The following PHACTR2 variants were observed in gnomAD, a reference collection of about 807,000 sequenced individuals.
The protein encoded by PHACTR2 is phosphatase and actin regulator 2.
In PHACTR2, 30 loss-of-function variants were observed where a neutral mutation model predicts 76.0. That is an observed-to-expected ratio of 0.39 (90% CI 0.30 to 0.54). The LOEUF is 0.54. Ranked by LOEUF, PHACTR2 falls within the 20% of genes least tolerant of loss-of-function variation. The pLI is 0.61. For synonymous variants in PHACTR2, 292 were observed against 292.5 expected (o/e 1.00, Z 0.02); for missense variants, 696 against 781.1 (o/e 0.89, Z 1.30).
intron 2 of PHACTR2, among the ~76,000 whole-genome samples, chr6:143,725,745 G>A (rs960686319): frequency 1.3e-4 from 19 of 151,390 alleles, no homozygotes; most frequent in African/African-American, 4.6e-4. Flanking sequence ...ACAATCACTT[G>A]AACCCGGGAG....
rs911664992 is a variant in PHACTR2, at chr6:143,708,442, A to G, written c.47-3574A>G. Among the ~76,000 whole-genome samples, 1 of 152,260 alleles carries G rather than the reference A, an allele frequency of 6.6e-6. No homozygotes were observed. Among genetic ancestry groups the G allele is most frequent in the African/African-American group, 2.4e-5 (1 of 41,472 alleles). On this transcript the variant is annotated intron_variant, in intron 1 of 12. Coordinates refer to ENST00000440869, the MANE Select transcript of PHACTR2 (RefSeq NM_001100164.2). This position sits in a 1 kb window ranked among gnomAD's most constrained non-coding sequence, Gnocchi z 5.5. ...ACAAGTTACTCTTAGTAACATAAAA[A>G]TGGATCAAAATTAATGCTGAAAACA...
chr6:143,776,953 G>C lies in PHACTR2; in HGVS notation c.1590-375G>C, dbSNP rs537499498. Reference sequence around the variant, plus strand: ...GTGGAAAAAGGAAAGAGAAAGAAGGGAGCATGCACCCAGGCATTTTAAGGA... The same window carrying C: ...GTGGAAAAAGGAAAGAGAAAGAAGGCAGCATGCACCCAGGCATTTTAAGGA... On this transcript the variant is annotated intron_variant, in intron 8 of 12. Coordinates refer to ENST00000440869, the MANE Select transcript of PHACTR2 (RefSeq NM_001100164.2). This position sits in a 1 kb window ranked among gnomAD's most constrained non-coding sequence, Gnocchi z 5.3. Among the ~76,000 whole-genome samples, 59 of 152,294 alleles carry C rather than the reference G, an allele frequency of 3.9e-4. No individual in the cohort carries two copies. Among genetic ancestry groups the C allele is most frequent in the Non-Finnish European group, 8.2e-4 (56 of 68,024 alleles).
At chr6:143,631,696 T>C (rs1239676385) in intron 1 of PHACTR2, among the ~76,000 whole-genome samples, 1 of 152,206 alleles carries the variant, frequency 6.6e-6, no homozygotes, top group Non-Finnish European at 1.5e-5. Flanking sequence ...CGAGGTCTCA[T>C]TGACAAAGTT....
Position 143,668,386 on chromosome 6 carries a change from C to T in PHACTR2, c.14-43630C>T, listed in dbSNP as rs369170927. Reference sequence around the variant, plus strand: ...TTTGGTATCAGGATGATGTTGGCCTCATAAAATGAGTTAGGGAGGAGTCCC... The same window carrying T: ...TTTGGTATCAGGATGATGTTGGCCTTATAAAATGAGTTAGGGAGGAGTCCC... On this transcript the variant is annotated intron_variant, in intron 1 of 11. Transcript: ENST00000305766. Among the ~76,000 whole-genome samples, 151 of 152,240 alleles carry T rather than the reference C, an allele frequency of 9.9e-4. 9 individuals are homozygous for T. In the South Asian group the frequency reaches 0.03, roughly 31 times the overall value.
Position 143,706,063 on chromosome 6 carries a change from A to T in PHACTR2, c.47-5953A>T, listed in dbSNP as rs180861841. Among the ~76,000 whole-genome samples, 233 of 152,266 alleles carry T rather than the reference A, an allele frequency of 1.5e-3. 1 individual carries two copies. The highest frequency in any genetic ancestry group is 5.1e-3 in the African/African-American group (210 of 41,560). On this transcript the variant is annotated intron_variant, in intron 1 of 12. Transcript: ENST00000440869. ...CTTTGGGTTATAATCTAATACTATA[A>T]TTTTACTTTGTTGCTGAGATTATTC...
chr6:143,805,371 C>T (rs1215898365), intron 11 of PHACTR2, among the ~76,000 whole-genome samples: 1 of 149,468 alleles, frequency 6.7e-6, no homozygotes, highest in Non-Finnish European at 1.5e-5. Context: ...CCCAGCTGCT[C>T]GGGAGGCTGA....
At chr6:143,628,055 G>T (rs1776290688) in intron 1 of PHACTR2, among the ~76,000 whole-genome samples, 1 of 152,158 alleles carries the variant, frequency 6.6e-6, no homozygotes, top group African/African-American at 2.4e-5. Context: ...GTTACCTTTT[G>T]TGTCTGGCTT....
chr6:143,803,365 T>A lies in PHACTR2; in HGVS notation c.1846-3692T>A, dbSNP rs547232883. Among the ~76,000 whole-genome samples, 1 of 152,096 alleles carries A rather than the reference T, an allele frequency of 6.6e-6. No homozygotes were observed. Among genetic ancestry groups the A allele is most frequent in the African/African-American group, 2.4e-5 (1 of 41,414 alleles). ...GAGTTTGAGACCAGCCTGGCCAACATTGCGAAATCCATCTCCACAAAAGAT... is the reference window on the plus strand; with the variant it reads ...GAGTTTGAGACCAGCCTGGCCAACAATGCGAAATCCATCTCCACAAAAGAT... On this transcript the variant is annotated intron_variant, in intron 11 of 12. Coordinates refer to ENST00000440869, the MANE Select transcript of PHACTR2 (RefSeq NM_001100164.2). This position sits in a 1 kb window ranked among gnomAD's most constrained non-coding sequence, Gnocchi z 4.7.
chr6:143,723,142 G>A (rs1229108206), intron 2 of PHACTR2, among the ~76,000 whole-genome samples: 2 of 152,088 alleles, frequency 1.3e-5, no homozygotes, highest in Non-Finnish European at 2.9e-5. Flanking sequence ...GACTGTTATG[G>A]TCCAGAAAGT....
At position 143,731,656 on chromosome 6, in the gene PHACTR2, A is replaced by T. The variant is rs1778703626; in HGVS notation, c.215-17329A>T. Among the ~76,000 whole-genome samples, 1 of 152,112 alleles carries T rather than the reference A, an allele frequency of 6.6e-6. No homozygotes were observed. The highest frequency in any genetic ancestry group is 6.6e-5 in the Admixed American group (1 of 15,264). Reference sequence around the variant, plus strand: ...GATTTTATTGAATAATATTTTGTTGAGGATTCATGGTATTGATCTGTAGTG... The same window carrying T: ...GATTTTATTGAATAATATTTTGTTGTGGATTCATGGTATTGATCTGTAGTG... On this transcript the variant is annotated intron_variant, in intron 2 of 12. Coordinates refer to ENST00000440869, the MANE Select transcript of PHACTR2 (RefSeq NM_001100164.2). The surrounding 1 kb of genome is among the most constrained non-coding windows in gnomAD (Gnocchi z 4.9).
chr6:143,716,192 A>T (rs1482622139), intron 2 of PHACTR2, among the ~76,000 whole-genome samples: 2 of 152,208 alleles, frequency 1.3e-5, no homozygotes, highest in Non-Finnish European at 2.9e-5. Flanking sequence ...CTTCACTACA[A>T]AATGGCACAA....
rs75513027 is a variant in PHACTR2, at chr6:143,560,762, G to A, written c.217+23555G>A. Reference sequence around the variant, plus strand: ...AGTAGGTGCTCGCTGGGGAGGGAGCGGAACTTGTTCCAGCCAAGGGTAGCA... The same window carrying A: ...AGTAGGTGCTCGCTGGGGAGGGAGCAGAACTTGTTCCAGCCAAGGGTAGCA... On this transcript the variant is annotated intron_variant, in intron 1 of 11. Coordinates refer to the PHACTR2 transcript ENST00000367584. 3.3e-3 allele frequency among the ~76,000 whole-genome samples: 497 copies of A among 152,164 alleles called. 6 individuals carry two copies. Among genetic ancestry groups the A allele is most frequent in the African/African-American group, 0.011 (474 of 41,504 alleles).
In PHACTR2 at chr6:143,754,070, C is replaced by T. The variant is rs1278858613; in HGVS notation, c.454+158C>T. 1.4e-5 allele frequency: 6 copies of T among 433,654 alleles called. No individual in the cohort carries two copies. Among genetic ancestry groups the T allele is most frequent in the South Asian group, 7.0e-5 (1 of 14,216 alleles). The allele number at this position is 433,654 out of a possible 1,614,324, so 26.9% of individuals were successfully genotyped here. On this transcript the variant is annotated intron_variant, in intron 4 of 12. Transcript: ENST00000440869. This position sits in a 1 kb window ranked among gnomAD's most constrained non-coding sequence, Gnocchi z 6.2. ...GAAATGATAACTAGTAAAGTGAAAT[C>T]GGATGATTTTCTCAGGTAGATGCAT...
chr6:143,808,808 A>C (rs1486731991), intron 12 of PHACTR2, among the ~76,000 whole-genome samples: 5 of 152,168 alleles, frequency 3.3e-5, no homozygotes, highest in Non-Finnish European at 7.3e-5. Flanking sequence ...GCTTTATTCT[A>C]TCATAATCTA....
At position 143,811,745 on chromosome 6, in the gene PHACTR2, TA is replaced by T. The variant is rs1272041029; in HGVS notation, c.1922+4617del. Among the ~76,000 whole-genome samples, 1 of 152,110 alleles carries T rather than the reference TA, an allele frequency of 6.6e-6. No homozygotes were observed. The highest frequency in any genetic ancestry group is 2.4e-5 in the African/African-American group (1 of 41,426). On this transcript the variant is annotated intron_variant, in intron 12 of 12. Transcript: ENST00000440869. The surrounding 1 kb of genome is among the most constrained non-coding windows in gnomAD (Gnocchi z 4.1). ...AGGGATATAGTTTGTCTCCAAGACA[TA>T]AAAATAATGCTTATGATTTTCAAGC...
Position 143,672,210 on chromosome 6 carries a change from G to A in PHACTR2, c.14-39806G>A, listed in dbSNP as rs7773502. On this transcript the variant is annotated intron_variant, in intron 1 of 11. Coordinates refer to the PHACTR2 transcript ENST00000305766. The surrounding 1 kb of genome is among the most constrained non-coding windows in gnomAD (Gnocchi z 5.8). ...TTATTGAACTGTTTGCTTTAAATGG[G>A]TACATTTTAGGGTCCATAACTTATT... Among the ~76,000 whole-genome samples the A allele has an allele frequency of 0.45, 67,724 of 151,428 alleles. 15,274 individuals carry two copies. The highest frequency in any genetic ancestry group is 0.59 in the South Asian group (2,831 of 4,796).
At position 143,611,725 on chromosome 6, in the gene PHACTR2, C is replaced by G. The variant is rs951995031; in HGVS notation, c.13+3403C>G. Among the ~76,000 whole-genome samples the G allele has an allele frequency of 7.2e-5, 11 of 152,146 alleles. No homozygotes were observed. The highest frequency in any genetic ancestry group is 2.7e-4 in the African/African-American group (11 of 41,412). On this transcript the variant is annotated intron_variant, in intron 1 of 11. Transcript: ENST00000305766. The surrounding 1 kb of genome is among the most constrained non-coding windows in gnomAD (Gnocchi z 4.4). Reference sequence around the variant, plus strand: ...TGCTTTATGAACAAATAAATATATGCTCCAGCAGCGTGGCTCTGAAAGTGG... The same window carrying G: ...TGCTTTATGAACAAATAAATATATGGTCCAGCAGCGTGGCTCTGAAAGTGG...
rs558896543 is a variant in PHACTR2 at position 143,694,372 on chromosome 6, C to T, written c.46+16163C>T. On this transcript the variant is annotated intron_variant, in intron 1 of 12. Transcript: ENST00000440869. ...CTTGTGATTGGAGCACCAAATTGAT[C>T]GAGTAATGTTCAGGAAAGAAACCCC... Among the ~76,000 whole-genome samples, 7 of 152,198 alleles carry T rather than the reference C, an allele frequency of 4.6e-5. No individual in the cohort carries two copies. The South Asian group carries it at 1.0e-3, about 23-fold the overall frequency.
intron 1 of PHACTR2, among the ~76,000 whole-genome samples, chr6:143,551,174 C>G (rs558982186): frequency 6.6e-6 from 1 of 151,976 alleles, no homozygotes; most frequent in African/African-American, 2.4e-5. Context: ...ATACAGCAGT[C>G]CCCCCTTATC....
Sources: gnomAD v4.1 joint callset for allele counts (sites outside exome capture counted in the v4.1 genomes callset) on GRCh38, gnomAD v4.1.1 for gene constraint, Gnocchi (gnomAD v3.1) non-coding constraint, MANE v1.5 for transcripts, NCBI Gene and HGNC (gene_info 2026-07-23, HGNC 2026-07-21) for gene names.